The following ZBP1 variants were observed in gnomAD, a reference collection of about 807,000 sequenced individuals.
ZBP1 encodes Z-DNA-binding protein 1.
A neutral mutation model predicts 41.1 loss-of-function variants in ZBP1; 42 were observed. The ratio of observed to expected loss-of-function variants is 1.02; its 90% CI spans 0.80 to 1.32. The LOEUF (loss-of-function observed/expected upper bound fraction) is 1.32, where lower values mean the gene tolerates loss of function less well. ZBP1 is among the 40% of genes most tolerant of loss of function. The pLI is 0.00. For missense variants in ZBP1, 562 were observed against 549.7 expected (o/e 1.02, Z -0.22); for synonymous variants, 214 against 205.2 (o/e 1.04, Z -0.37).
chr20:57,614,602 G>C (rs2070766688), intron 4 of ZBP1, among the ~76,000 whole-genome samples: 2 of 152,224 alleles, frequency 1.3e-5, no homozygotes, highest in African/African-American at 4.8e-5. Flanking sequence ...AACTCAGACT[G>C]ATCCCTGCAC....
chr20:57,608,742 C>T (rs774919769), intron 7 of ZBP1, among the ~76,000 whole-genome samples: 14 of 151,540 alleles, frequency 9.2e-5, no homozygotes, highest in East Asian at 2.0e-4. Flanking sequence ...TTTGAAGACA[C>T]GTGGGGCCAG....
chr20:57,605,946 A>T (rs1461022273), intron 7 of ZBP1, among the ~76,000 whole-genome samples: 1 of 152,158 alleles, frequency 6.6e-6, no homozygotes, highest in African/African-American at 2.4e-5. Flanking sequence ...AAAATAAATA[A>T]ATAAATAAAT....
At chr20:57,614,298 T>A (rs1250366823) in intron 4 of ZBP1, among the ~76,000 whole-genome samples, 1 of 152,216 alleles carries the variant, frequency 6.6e-6, no homozygotes, top group African/African-American at 2.4e-5. Flanking sequence ...CCCAAAGTGC[T>A]AGGATTACAG....
At chr20:57,616,684 G>T (rs768982296) in intron 1 of ZBP1, 49 of 574,794 alleles carry the variant, frequency 8.5e-5, no homozygotes, top group Middle Eastern at 4.8e-4. Context: ...AACGGCCTTG[G>T]CTGCGCAGCC....
chr20:57,612,039 A>G (rs2070689501), intron 5 of ZBP1, 109 bp from the exon 6 acceptor site: 1 of 1,221,120 alleles, frequency 8.2e-7, no homozygotes, highest in Non-Finnish European at 1.1e-6. Flanking sequence ...ACACCATCGA[A>G]CTGGCGGCCA....
chr20:57,610,176 C>T lies in ZBP1; in HGVS notation c.1066G>A (p.Gly356Arg), dbSNP rs373649181. Residue 356 changes from glycine (G) to arginine (R), a missense_variant, in exon 7 of 8, where the codon GGA becomes AGA. Gly to Arg is a moderately radical substitution (Grantham distance 125). Transcript: ENST00000371173. This position sits in a 1 kb window ranked among gnomAD's most constrained non-coding sequence, Gnocchi z 5.5. The part of the protein sequence containing the change: ...VAGPGGVAGS[G>R]EGEPGEDAGR... ...GCGTCCTCCCCTGGCTCCCCCTCTC[C>T]AGACCCTGCGACTCCTCCTGGGCCA... The T allele has an allele frequency of 3.1e-6, 5 of 1,614,064 alleles. No individual in the cohort carries two copies. The highest frequency in any genetic ancestry group is 3.4e-6 in the Non-Finnish European group (4 of 1,180,008).
intron 2 of ZBP1, 53 bp from the exon 3 acceptor site, chr20:57,615,633 C>A (rs1428191831): frequency 1.3e-6 from 2 of 1,538,096 alleles, no homozygotes; most frequent in Non-Finnish European, 1.8e-6. Flanking sequence ...CAGCACCAGG[C>A]CTCCACCCCA....
intron 5 of ZBP1, 38 bp from the exon 6 acceptor site, chr20:57,611,968 C>T (rs1206236605): frequency 6.5e-7 from 1 of 1,541,356 alleles, no homozygotes; most frequent in Non-Finnish European, 8.8e-7. Context: ...CCGGAGATTA[C>T]TGCAGGCTTC....
chr20:57,611,411 A>ATTTTTTTTTTTTTTTTTTTTTTTTT (rs3068061), intron 6 of ZBP1, among the ~76,000 whole-genome samples: 24 of 95,142 alleles, frequency 2.5e-4, no homozygotes, highest in Non-Finnish European at 4.1e-4. Flanking sequence ...TGCCCGGTTA[A>ATTTTTTTTTTTTTTTTTTTTTTTTT]TTTTTTTTTT....
intron 7 of ZBP1, among the ~76,000 whole-genome samples, chr20:57,608,131 T>G (rs2070542717): frequency 6.6e-6 from 1 of 151,774 alleles, no homozygotes; most frequent in Non-Finnish European, 1.5e-5. Flanking sequence ...GTGACCATTT[T>G]TTTTTTTTGA....
In ZBP1 at chr20:57,613,651, G is replaced by A. The variant is rs769701536; in HGVS notation, c.503-321C>T. On this transcript the variant is annotated intron_variant, in intron 4 of 7. Transcript: ENST00000371173. The surrounding 1 kb of genome is among the most constrained non-coding windows in gnomAD (Gnocchi z 4.5). ...TCTCCCTAGGGGGCAGCCACAGCCC[G>A]GACCCCCGAGCACCTGCACCATTGC... 1.8e-4 allele frequency among the ~76,000 whole-genome samples: 28 copies of A among 152,298 alleles called. No individual in the cohort carries two copies. The highest frequency in any genetic ancestry group is 4.6e-4 in the Admixed American group (7 of 15,300).
In ZBP1 at chr20:57,610,265, G is replaced by C; in HGVS notation, c.977C>G (p.Ser326Trp). 6.2e-7 allele frequency: 1 copy of C among 1,614,174 alleles called. No individual in the cohort carries two copies. The highest frequency in any genetic ancestry group is 8.5e-7 in the Non-Finnish European group (1 of 1,180,022). Reference protein sequence around the residue: ...GEAAQRIHMKSCFLEDATIGN... With the variant: ...GEAAQRIHMKWCFLEDATIGN... ...GATGGTGGCGTCCTCGAGAAAGCAC[G>C]ATTTCATGTGGATTCTCTGGGCGGC... Residue 326 changes from serine (S) to tryptophan (W), a missense_variant, in exon 7 of 8, where the codon TCG (serine) becomes TGG (tryptophan). By Grantham distance (177) the Ser-to-Trp change is radical. Transcript: ENST00000371173. This position sits in a 1 kb window ranked among gnomAD's most constrained non-coding sequence, Gnocchi z 5.5.
At chr20:57,611,999 A>G (rs1474093025) in intron 5 of ZBP1, 69 bp from the exon 6 acceptor site, 1 of 1,470,918 alleles carries the variant, frequency 6.8e-7, no homozygotes, top group African/African-American at 1.4e-5. Flanking sequence ...TCACCACCAC[A>G]CGCAGGCCTG....
Position 57,604,780 on chromosome 20 carries a change from G to A in ZBP1, c.1094-11C>T. 6.2e-7 allele frequency: 1 copy of A among 1,608,478 alleles called. No individual in the cohort carries two copies. Among genetic ancestry groups the A allele is most frequent in the Non-Finnish European group, 8.5e-7 (1 of 1,175,914 alleles). ...CTGCGGGACGACGACCTAGGGAAGA[G>A]AAGATGGGGGATCAGCTTCATGGGC... is the stretch of plus-strand genomic sequence containing the variant. On this transcript the variant is annotated splice_polypyrimidine_tract_variant and intron_variant, in intron 7 of 7. Coordinates refer to ENST00000371173, the MANE Select transcript of ZBP1 (RefSeq NM_030776.3).
At position 57,613,453 on chromosome 20, in the gene ZBP1, A is replaced by C. The variant is rs1031847475; in HGVS notation, c.503-123T>G. Reference sequence around the variant, plus strand: ...TAAAATACCCTGGGCGTTCCGAGTCAGTAGGGCCAAGTGGGAGGCCAGAGC... The same window carrying C: ...TAAAATACCCTGGGCGTTCCGAGTCCGTAGGGCCAAGTGGGAGGCCAGAGC... On this transcript the variant is annotated intron_variant, in intron 4 of 7. Coordinates refer to ENST00000371173, the MANE Select transcript of ZBP1 (RefSeq NM_030776.3). This position sits in a 1 kb window ranked among gnomAD's most constrained non-coding sequence, Gnocchi z 4.5. 660 of 1,018,826 alleles carry C rather than the reference A, an allele frequency of 6.5e-4. 5 individuals are homozygous for C. The highest frequency in any genetic ancestry group is 1.6e-4 in the Non-Finnish European group (110 of 680,770). The allele number at this position is 1,018,826 out of a possible 1,614,324, so 63.1% of individuals were successfully genotyped here. A position where few individuals can be genotyped will look rare whatever the true frequency, so the allele number is the denominator to read the frequency against.
At chr20:57,609,798 C>A (rs370851130) in intron 7 of ZBP1, among the ~76,000 whole-genome samples, 1 of 152,126 alleles carries the variant, frequency 6.6e-6, no homozygotes. Flanking sequence ...GACAATAACA[C>A]TCCTATCTCC....
At chr20:57,615,819 G>A (rs2070808689) in intron 2 of ZBP1, 1 of 553,140 alleles carries the variant, frequency 1.8e-6, no homozygotes. Flanking sequence ...GTGAGGGCTG[G>A]GTGAACCCCA....
chr20:57,607,853 T>C (rs1241084326), intron 7 of ZBP1, among the ~76,000 whole-genome samples: 1 of 152,232 alleles, frequency 6.6e-6, no homozygotes, highest in South Asian at 2.1e-4. Flanking sequence ...CATTGTTTTT[T>C]AGATATAACG....
intron 1 of ZBP1, among the ~76,000 whole-genome samples, chr20:57,618,622 C>G (rs2070909078): frequency 2.6e-5 from 4 of 152,178 alleles, no homozygotes; most frequent in Admixed American, 2.0e-4. Flanking sequence ...TTCTTGTTGC[C>G]TGGTCTGCGG....
Sources: gnomAD v4.1 joint callset for allele counts (sites outside exome capture counted in the v4.1 genomes callset) on GRCh38, gnomAD v4.1.1 for gene constraint, Gnocchi (gnomAD v3.1) non-coding constraint, MANE v1.5 for transcripts, NCBI Gene and HGNC (gene_info 2026-07-23, HGNC 2026-07-21) for gene names.